Variants in NPAS3 observed in about 807,000 individuals in gnomAD.
NPAS3 encodes the protein neuronal PAS domain protein 3.
In NPAS3, 14 loss-of-function variants were observed where a neutral mutation model predicts 73.1. The ratio of observed to expected loss-of-function variants is 0.19; its 90% CI spans 0.13 to 0.30. NPAS3 has a LOEUF of 0.30. NPAS3 is among the 10% of genes least tolerant of loss of function. NPAS3 has a pLI of 1.00. For synonymous variants in NPAS3, 620 were observed against 541.5 expected (o/e 1.14, Z -2.01); for missense variants, 1,096 against 1,250.0 (o/e 0.88, Z 1.86).
intron 3 of NPAS3, among the ~76,000 whole-genome samples, chr14:33,246,788 G>A (rs1445156767): frequency 7.5e-6 from 1 of 132,768 alleles, no homozygotes; most frequent in African/African-American, 2.8e-5. Flanking sequence ...AGGATCAGGA[G>A]TTCGAGACCA....
At chr14:33,681,272 T>C (rs1414217117) in intron 6 of NPAS3, among the ~76,000 whole-genome samples, 1 of 152,244 alleles carries the variant, frequency 6.6e-6, no homozygotes. Context: ...GTGAATTATT[T>C]ACCATCTGGT....
chr14:33,764,713 G>A (rs994526480), intron 7 of NPAS3, among the ~76,000 whole-genome samples: 1 of 152,200 alleles, frequency 6.6e-6, no homozygotes, highest in African/African-American at 2.4e-5. Context: ...TATGAAGGGC[G>A]ACACCCCGCT....
chr14:33,077,774 G>GTTTTTTGTT (rs1555333251), intron 2 of NPAS3, among the ~76,000 whole-genome samples: 2 of 87,470 alleles, frequency 2.3e-5, no homozygotes, highest in African/African-American at 7.8e-5. Context: ...TGCAGTAAGG[G>GTTTTTTGTT]TTTTTTTTTT....
intron 1 of NPAS3, among the ~76,000 whole-genome samples, chr14:32,963,988 A>G (rs1218171810): frequency 1.3e-5 from 2 of 152,066 alleles, no homozygotes; most frequent in East Asian, 3.9e-4. Context: ...ATACCTTAAA[A>G]TCATATTCAA....
chr14:33,147,961 C>T (rs2044307938), intron 2 of NPAS3, among the ~76,000 whole-genome samples: 1 of 151,886 alleles, frequency 6.6e-6, no homozygotes, highest in African/African-American at 2.4e-5. Flanking sequence ...CCAATTCAAA[C>T]TTGGGCCATG....
intron 4 of NPAS3, among the ~76,000 whole-genome samples, chr14:33,370,622 G>A (rs144371884): frequency 2.0e-4 from 30 of 152,220 alleles, no homozygotes; most frequent in Non-Finnish European, 1.9e-4. Context: ...AAAATACAAC[G>A]TCCAGGAAGT....
intron 5 of NPAS3, among the ~76,000 whole-genome samples, chr14:33,655,305 A>G (rs548299225): frequency 3.3e-5 from 5 of 150,516 alleles, no homozygotes; most frequent in African/African-American, 1.2e-4. Flanking sequence ...AAACTAGCCC[A>G]ACTTTTTCTC....
chr14:33,757,646 C>T (rs946921924), intron 7 of NPAS3, among the ~76,000 whole-genome samples: 4 of 152,070 alleles, frequency 2.6e-5, no homozygotes, highest in African/African-American at 9.7e-5. Flanking sequence ...ATGGATATAC[C>T]AAGAAGTAAG....
chr14:33,245,079 T>C (rs974432708), intron 3 of NPAS3, among the ~76,000 whole-genome samples: 2 of 152,194 alleles, frequency 1.3e-5, no homozygotes, highest in African/African-American at 4.8e-5. Context: ...GGGAAGGATA[T>C]AGACTCCTTT....
chr14:33,508,844 G>A (rs1188164500), intron 4 of NPAS3, among the ~76,000 whole-genome samples: 1 of 151,966 alleles, frequency 6.6e-6, no homozygotes, highest in Non-Finnish European at 1.5e-5. Flanking sequence ...TAGAATGAGC[G>A]TGGGAATGAC....
At position 33,013,703 on chromosome 14, in the gene NPAS3, AC is replaced by A. The variant is rs1216903447; in HGVS notation, c.51-42201del. On this transcript the variant is annotated intron_variant, in intron 1 of 11. Transcript: ENST00000356141. ...TTACATCAACATTTTCTATAGTTGC[AC>A]ATGATTTAACTGCACATTATTTTAT... Among the ~76,000 whole-genome samples, 9 of 152,308 alleles carry A rather than the reference AC, an allele frequency of 5.9e-5. No individual in the cohort carries two copies. In the South Asian group the frequency reaches 1.7e-3, roughly 28 times the overall value.
At chr14:33,559,692 G>A (rs1222218717) in intron 4 of NPAS3, among the ~76,000 whole-genome samples, 1 of 152,176 alleles carries the variant, frequency 6.6e-6, no homozygotes, top group Non-Finnish European at 1.5e-5. Context: ...AAAGATCTTA[G>A]GACTTTCGTT....
chr14:33,199,035 T>A (rs987345050), intron 2 of NPAS3, among the ~76,000 whole-genome samples: 1 of 152,056 alleles, frequency 6.6e-6, no homozygotes, highest in African/African-American at 2.4e-5. Flanking sequence ...CCGCTCCAAG[T>A]GTGGGGCCCG....
In NPAS3 at chr14:33,367,969, T is replaced by A. The variant is rs543711806; in HGVS notation, c.468+701T>A. 2.4e-4 allele frequency among the ~76,000 whole-genome samples: 36 copies of A among 152,266 alleles called. 1 individual carries two copies. Among genetic ancestry groups the A allele is most frequent in the Non-Finnish European group, 2.4e-4 (16 of 68,014 alleles). On this transcript the variant is annotated intron_variant, in intron 4 of 11. Coordinates refer to ENST00000356141, the Ensembl canonical transcript of NPAS3. The stretch of plus-strand genomic sequence containing the variant: ...TTGCCATCGATTCAACACTTCTGCC[T>A]TCAACCATAGATAATTGTGCCACAC...
chr14:33,620,950 C>T (rs566813260), intron 5 of NPAS3, among the ~76,000 whole-genome samples: 1 of 152,114 alleles, frequency 6.6e-6, no homozygotes, highest in East Asian at 1.9e-4. Context: ...TTAAGTCTGG[C>T]CAGATATGAA....
At chr14:33,245,358 A>C (rs886318880) in intron 3 of NPAS3, among the ~76,000 whole-genome samples, 1 of 152,112 alleles carries the variant, frequency 6.6e-6, no homozygotes. Context: ...TACAGAATTA[A>C]CCAGTTAGAA....
intron 6 of NPAS3, among the ~76,000 whole-genome samples, chr14:33,721,786 C>T (rs1025641897): frequency 1.3e-5 from 2 of 152,150 alleles, no homozygotes; most frequent in African/African-American, 4.8e-5. Flanking sequence ...CGTATATGAT[C>T]TGAACCTTTA....
chr14:33,286,719 G>A (rs1328789235), intron 3 of NPAS3, among the ~76,000 whole-genome samples: 1 of 151,766 alleles, frequency 6.6e-6, no homozygotes, highest in East Asian at 1.9e-4. Context: ...TTATTAGGTA[G>A]TCTCTAAGTG....
intron 3 of NPAS3, among the ~76,000 whole-genome samples, chr14:33,318,380 G>A (rs959776210): frequency 1.4e-4 from 22 of 152,090 alleles, no homozygotes; most frequent in Non-Finnish European, 2.5e-4. Context: ...AGTGTATAGA[G>A]TTTAGCTTTG....
Sources: allele counts gnomAD v4.1 joint callset (sites outside exome capture counted in the v4.1 genomes callset), GRCh38; gene constraint gnomAD v4.1.1; transcripts MANE v1.5; gene names NCBI Gene and HGNC (gene_info 2026-07-23, HGNC 2026-07-21).